Variants in PPP1R1C observed in about 807,000 individuals in gnomAD.
PPP1R1C encodes the protein protein phosphatase 1 regulatory subunit 1C.
In PPP1R1C, 15 loss-of-function variants were observed where a neutral mutation model predicts 17.4. That is an observed-to-expected ratio of 0.86 (90% confidence interval 0.58 to 1.33). The LOEUF is 1.33. Ranked by LOEUF, PPP1R1C falls within the 40% of genes most tolerant of loss-of-function variation. The pLI, the probability that PPP1R1C is intolerant of heterozygous loss-of-function variation, is 0.00. For missense variants in PPP1R1C, 143 were observed against 130.0 expected (o/e 1.10, Z -0.48); for synonymous variants, 35 against 43.1 (o/e 0.81, Z 0.73).
intron 2 of PPP1R1C, 35 bp downstream of exon 2, chr2:181,987,934 C>A: frequency 6.5e-7 from 1 of 1,548,304 alleles, no homozygotes; most frequent in Non-Finnish European, 8.9e-7. Context: ...ACTGATGGAA[C>A]AGAATGGAAT....
At chr2:182,091,567 A>G (rs1266327003) in intron 4 of PPP1R1C, among the ~76,000 whole-genome samples, 2 of 152,118 alleles carry the variant, frequency 1.3e-5, no homozygotes, top group African/African-American at 2.4e-5. Flanking sequence ...TATTTCTAGG[A>G]TAGAAGATAC....
At chr2:182,048,820 C>T (rs888677870) in intron 2 of PPP1R1C, 2 of 152,266 alleles carry the variant, frequency 1.3e-5, no homozygotes, top group African/African-American at 4.8e-5. Flanking sequence ...ATGTTAGATA[C>T]AGTCTACTGC....
intron 2 of PPP1R1C, among the ~76,000 whole-genome samples, chr2:182,041,499 C>G (rs1687181207): frequency 6.6e-6 from 1 of 150,476 alleles, no homozygotes; most frequent in Admixed American, 6.7e-5. Flanking sequence ...CTCCCAGCTA[C>G]TTGGGAGGCT....
intron 2 of PPP1R1C, among the ~76,000 whole-genome samples, chr2:182,039,463 C>T (rs1574402092): frequency 1.3e-5 from 2 of 152,284 alleles, no homozygotes; most frequent in Admixed American, 6.5e-5. Flanking sequence ...TGGCTCACTG[C>T]AGCCTTGACC....
intron 2 of PPP1R1C, among the ~76,000 whole-genome samples, chr2:182,004,024 C>T (rs541388408): frequency 6.6e-6 from 1 of 152,254 alleles, no homozygotes; most frequent in Non-Finnish European, 1.5e-5. Flanking sequence ...AGCATCACGG[C>T]TCTGACTGGA....
intron 4 of PPP1R1C, among the ~76,000 whole-genome samples, chr2:182,076,181 CTTTTTTTTTTCTTTTCTTTTTTTT>C (rs1688293711): frequency 2.1e-4 from 10 of 47,484 alleles, no homozygotes; most frequent in African/African-American, 6.9e-4. Flanking sequence ...GGATTTTGAA[CTTTTTTTTTTCTTTTCTTTTTTTT>C]TTTTTTTTTT....
intron 2 of PPP1R1C, among the ~76,000 whole-genome samples, chr2:182,029,270 T>G (rs371573978): frequency 6.6e-6 from 1 of 151,684 alleles, no homozygotes; most frequent in Non-Finnish European, 1.5e-5. Flanking sequence ...GTTAGCTGGT[T>G]ATTTTGCTCG....
At chr2:182,019,449 T>C (rs6750153) in intron 2 of PPP1R1C, among the ~76,000 whole-genome samples, 5,884 of 152,320 alleles carry the variant, frequency 0.039, 382 homozygotes, top group African/African-American at 0.13. Flanking sequence ...CGTATTTTCT[T>C]AGTTGGTGGC....
At chr2:182,045,637 T>A (rs1687320553) in intron 2 of PPP1R1C, among the ~76,000 whole-genome samples, 1 of 152,116 alleles carries the variant, frequency 6.6e-6, no homozygotes, top group Non-Finnish European at 1.5e-5. Flanking sequence ...TTAAAGAGAA[T>A]GTTGCTTTAT....
chr2:182,015,238 C>T (rs554259024), intron 2 of PPP1R1C, among the ~76,000 whole-genome samples: 1 of 152,178 alleles, frequency 6.6e-6, no homozygotes, highest in South Asian at 2.1e-4. Flanking sequence ...GGCAGTTTAC[C>T]CCGTACTGTT....
intron 1 of PPP1R1C, among the ~76,000 whole-genome samples, chr2:181,971,003 A>G (rs920685809): frequency 1.3e-5 from 2 of 152,070 alleles, no homozygotes; most frequent in African/African-American, 4.8e-5. Flanking sequence ...AGGTCCAGAA[A>G]TGCTATCCAG....
At chr2:181,969,207 A>G (rs941706132) in intron 1 of PPP1R1C, among the ~76,000 whole-genome samples, 1 of 152,160 alleles carries the variant, frequency 6.6e-6, no homozygotes, top group East Asian at 1.9e-4. Flanking sequence ...TTATACCTTC[A>G]GATAATTTCT....
chr2:182,123,866 C>G (rs1244011800), intron 5 of PPP1R1C, among the ~76,000 whole-genome samples: 1 of 152,142 alleles, frequency 6.6e-6, no homozygotes, highest in African/African-American at 2.4e-5. Context: ...AATTGGATCC[C>G]ATTTGTCAAT....
At chr2:182,125,572 G>A (rs566167651) in intron 5 of PPP1R1C, among the ~76,000 whole-genome samples, 2 of 152,240 alleles carry the variant, frequency 1.3e-5, no homozygotes, top group South Asian at 4.1e-4. Flanking sequence ...CTCAATTTCA[G>A]AACTTGTTAT....
intron 5 of PPP1R1C, among the ~76,000 whole-genome samples, chr2:182,125,543 G>A (rs1689853415): frequency 1.3e-5 from 2 of 152,056 alleles, no homozygotes; most frequent in Admixed American, 6.6e-5. Context: ...TTTTTGGTTG[G>A]TAGGGTATTA....
intron 4 of PPP1R1C, among the ~76,000 whole-genome samples, chr2:182,072,051 G>T (rs967561775): frequency 6.6e-6 from 1 of 152,178 alleles, no homozygotes; most frequent in Non-Finnish European, 1.5e-5. Flanking sequence ...TAAGCATGTG[G>T]TTGCTAAAAA....
At chr2:182,006,487 A>G (rs1319950495) in intron 2 of PPP1R1C, among the ~76,000 whole-genome samples, 1 of 152,234 alleles carries the variant, frequency 6.6e-6, no homozygotes, top group Non-Finnish European at 1.5e-5. Context: ...CAGTTTGTCC[A>G]TAATTTCTGG....
At chr2:182,002,558 C>T (rs1401538173) in intron 2 of PPP1R1C, among the ~76,000 whole-genome samples, 1 of 151,806 alleles carries the variant, frequency 6.6e-6, no homozygotes, top group African/African-American at 2.4e-5. Context: ...GAGCAAGATT[C>T]CTTGGGCTTA....
At chr2:182,078,358 T>C (rs1688377040) in intron 4 of PPP1R1C, among the ~76,000 whole-genome samples, 1 of 152,196 alleles carries the variant, frequency 6.6e-6, no homozygotes, top group South Asian at 2.1e-4. Context: ...AAGCAGGCTC[T>C]AGATAGAGTA....
Sources: gnomAD v4.1 joint callset for allele counts (sites outside exome capture counted in the v4.1 genomes callset) on GRCh38, gnomAD v4.1.1 for gene constraint, MANE v1.5 for transcripts, NCBI Gene and HGNC (gene_info 2026-07-23, HGNC 2026-07-21) for gene names.